Variants in ACTR3C observed in about 807,000 individuals in gnomAD.
The protein encoded by ACTR3C is actin-related protein 3C.
ACTR3C carries 18 observed loss-of-function variants against 26.3 expected under a neutral mutation model. The ratio of observed to expected loss-of-function variants is 0.68; its 90% confidence interval spans 0.47 to 1.01. The LOEUF is 1.01. Among genes scored for constraint, ACTR3C ranks in the 50% least tolerant of loss-of-function variants. The probability of loss-of-function intolerance (pLI) is 0.00; values close to 1 mark genes in which losing one functional copy is unlikely to be tolerated. For synonymous variants in ACTR3C, 55 were observed against 94.5 expected, an observed-to-expected ratio of 0.58 and a Z score of 2.42; for missense variants, 184 against 250.7, an observed-to-expected ratio of 0.73 and a Z score of 1.80.
the ACTR3C span, among the ~76,000 whole-genome samples, chr7:149,955,286 G>A: frequency 6.6e-6 from 1 of 152,222 alleles, no homozygotes; most frequent in Non-Finnish European, 1.5e-5. Flanking sequence ...ATGTTGCAAA[G>A]TACCTAATGG....
At chr7:150,178,312 C>T in the ACTR3C span, among the ~76,000 whole-genome samples, 3 of 138,632 alleles carry the variant, frequency 2.2e-5, no homozygotes, top group African/African-American at 5.8e-5. Context: ...GACAGAGTTT[C>T]GCTCTTGTTG....
rs1022151925 is a variant in ACTR3C, at chr7:150,275,436, C to T, written c.564+9317G>A. On this transcript the variant is annotated intron_variant, in intron 6 of 7. Transcript: ENST00000683684. The stretch of plus-strand genomic sequence containing the variant: ...AATAACATAAACAGCGACAACCAGG[C>T]GCGGTGGCTCACACTTGTAATCCCA... Among the ~76,000 whole-genome samples, 16 of 152,326 alleles carry T rather than the reference C, an allele frequency of 1.1e-4. No homozygotes were observed. In the East Asian group the frequency reaches 1.7e-3, roughly 17 times the overall value.
the ACTR3C span, among the ~76,000 whole-genome samples, chr7:149,893,428 A>G: frequency 5.9e-5 from 9 of 152,204 alleles, no homozygotes; most frequent in African/African-American, 2.2e-4. Context: ...AATAATAATA[A>G]AAGTTTACAT....
chr7:150,261,058 T>C (rs188732076), intron 6 of ACTR3C, among the ~76,000 whole-genome samples: 2,500 of 152,344 alleles, frequency 0.016, 63 homozygotes, highest in African/African-American at 0.056. Context: ...AAATATTTGA[T>C]ATAATAACTT....
the ACTR3C span, among the ~76,000 whole-genome samples, chr7:150,183,557 C>T: frequency 3.3e-5 from 5 of 149,694 alleles, no homozygotes; most frequent in Admixed American, 1.3e-4. Flanking sequence ...GAATTACTCT[C>T]TGATCATCAG....
At chr7:150,323,358 C>A in intron 1 of ACTR3C, 111 bp downstream of exon 1, 2 of 283,942 alleles carry the variant, frequency 7.0e-6, no homozygotes, top group South Asian at 2.7e-5. Flanking sequence ...GTTCCGGGAG[C>A]TCAGGCCTGC....
chr7:149,968,128 C>T, the ACTR3C span, among the ~76,000 whole-genome samples: 2 of 152,256 alleles, frequency 1.3e-5, no homozygotes, highest in African/African-American at 4.8e-5. Flanking sequence ...GGAGAAGACC[C>T]AGCAGTAACA....
chr7:149,963,745 T>C, the ACTR3C span, among the ~76,000 whole-genome samples: 1 of 152,218 alleles, frequency 6.6e-6, no homozygotes, highest in Non-Finnish European at 1.5e-5. Context: ...GCTGACCAGC[T>C]ATGTGACCTG....
chr7:150,169,246 G>GGTC, the ACTR3C span, among the ~76,000 whole-genome samples: 1 of 150,302 alleles, frequency 6.7e-6, no homozygotes, highest in Non-Finnish European at 1.5e-5. Context: ...AGCTGGGCAT[G>GGTC]GTGACAGGCA....
chr7:150,051,889 C>T, the ACTR3C span, among the ~76,000 whole-genome samples: 186 of 143,488 alleles, frequency 1.3e-3, no homozygotes, highest in East Asian at 3.8e-3. Flanking sequence ...CCATTGAGTT[C>T]AGCAGCCTAA....
the ACTR3C span, among the ~76,000 whole-genome samples, chr7:150,205,224 G>A: frequency 6.6e-6 from 1 of 152,256 alleles, no homozygotes; most frequent in South Asian, 2.1e-4. Flanking sequence ...ATTGTTCCTG[G>A]AGTCTAACTT....
the ACTR3C span, among the ~76,000 whole-genome samples, chr7:149,987,313 C>A: frequency 6.6e-6 from 1 of 151,808 alleles, no homozygotes; most frequent in Non-Finnish European, 1.5e-5. Flanking sequence ...CGCCTGTAAT[C>A]CCAGCATTTT....
At chr7:149,883,159 C>T in the ACTR3C span, among the ~76,000 whole-genome samples, 8 of 152,222 alleles carry the variant, frequency 5.3e-5, no homozygotes, top group East Asian at 3.8e-4. Context: ...ATGATTTTGA[C>T]GGCCTTGAGC....
At chr7:150,133,674 C>T in the ACTR3C span, among the ~76,000 whole-genome samples, 1 of 152,166 alleles carries the variant, frequency 6.6e-6, no homozygotes, top group African/African-American at 2.4e-5. Context: ...TTTCCCCTCA[C>T]CTTTGACTAC....
chr7:149,994,670 C>T, the ACTR3C span, among the ~76,000 whole-genome samples: 10 of 151,970 alleles, frequency 6.6e-5, no homozygotes, highest in African/African-American at 2.2e-4. Context: ...GGCCCATCAC[C>T]CATAGAGCCT....
the ACTR3C span, among the ~76,000 whole-genome samples, chr7:150,043,170 C>A: frequency 6.7e-6 from 1 of 150,300 alleles, no homozygotes; most frequent in African/African-American, 2.5e-5. Flanking sequence ...ATTGTAAATC[C>A]CACGCAAGGT....
the ACTR3C span, among the ~76,000 whole-genome samples, chr7:149,937,751 G>A: frequency 2.6e-5 from 4 of 152,156 alleles, no homozygotes; most frequent in Admixed American, 1.3e-4. Flanking sequence ...GTCCGGGTGC[G>A]GGGAAGGGCA....
At chr7:150,031,433 T>TAG in the ACTR3C span, among the ~76,000 whole-genome samples, 7 of 152,110 alleles carry the variant, frequency 4.6e-5, no homozygotes, top group Non-Finnish European at 1.0e-4. Flanking sequence ...GGCGGCTTCT[T>TAG]AGGAGGATAA....
chr7:150,236,762 C>T, the ACTR3C span, among the ~76,000 whole-genome samples: 12 of 150,118 alleles, frequency 8.0e-5, no homozygotes, highest in South Asian at 8.3e-4. Flanking sequence ...GAGTGTACCC[C>T]GTGAAAGCTC....
Sources: allele counts gnomAD v4.1 joint callset (sites outside exome capture counted in the v4.1 genomes callset), GRCh38; gene constraint gnomAD v4.1.1; transcripts MANE v1.5; gene names NCBI Gene and HGNC (gene_info 2026-07-23, HGNC 2026-07-21).